INPP4B: variants seen among roughly 807,000 people sequenced by gnomAD.
INPP4B encodes inositol polyphosphate-4-phosphatase type II B.
INPP4B carries 55 observed loss-of-function variants against 122.5 expected under a neutral mutation model. The ratio of observed to expected loss-of-function variants is 0.45; its 90% confidence interval spans 0.36 to 0.56. The LOEUF is 0.56. INPP4B is among the 20% of genes least tolerant of loss of function. The probability of loss-of-function intolerance (pLI) is 0.00; values close to 1 mark genes in which losing one functional copy is unlikely to be tolerated. For missense variants in INPP4B, 1,000 were observed against 1,097.7 expected, an observed-to-expected ratio of 0.91 and a Z score of 1.26; for synonymous variants, 403 against 388.7, an observed-to-expected ratio of 1.04 and a Z score of -0.43.
intron 2 of INPP4B, among the ~76,000 whole-genome samples, chr4:142,534,371 C>T (rs1269093047): frequency 1.3e-5 from 2 of 152,086 alleles, no homozygotes; most frequent in Non-Finnish European, 2.9e-5. Context: ...CATGAAGGTG[C>T]TGCCCTTGTG....
intron 5 of INPP4B, among the ~76,000 whole-genome samples, chr4:142,410,048 A>G (rs1008357339): frequency 6.6e-6 from 1 of 152,236 alleles, no homozygotes; most frequent in Non-Finnish European, 1.5e-5. Context: ...GGTGAAGGCT[A>G]TTGAGTCCAT....
At chr4:142,307,290 C>G (rs1579683749) in intron 8 of INPP4B, among the ~76,000 whole-genome samples, 1 of 152,106 alleles carries the variant, frequency 6.6e-6, no homozygotes, top group Non-Finnish European at 1.5e-5. Context: ...AAGCACACTC[C>G]CCTCCCACAT....
intron 5 of INPP4B, among the ~76,000 whole-genome samples, chr4:142,416,258 G>A (rs2149277482): frequency 6.6e-6 from 1 of 152,238 alleles, no homozygotes; most frequent in Admixed American, 6.5e-5. Flanking sequence ...GAGGGAATTT[G>A]TTTGGGCAGG....
intron 2 of INPP4B, among the ~76,000 whole-genome samples, chr4:142,551,249 A>C (rs1043189574): frequency 1.3e-5 from 2 of 152,174 alleles, no homozygotes; most frequent in Non-Finnish European, 2.9e-5. Flanking sequence ...AGTTGACTCC[A>C]TTTTTGGTTA....
intron 1 of INPP4B, among the ~76,000 whole-genome samples, chr4:142,829,483 T>A (rs1441267437): frequency 1.3e-5 from 2 of 152,170 alleles, no homozygotes; most frequent in Admixed American, 1.3e-4. Context: ...CCCTTCTTCT[T>A]AATTCCAGTG....
chr4:142,227,994 T>G (rs998863316), intron 12 of INPP4B, among the ~76,000 whole-genome samples: 9 of 151,760 alleles, frequency 5.9e-5, no homozygotes, highest in African/African-American at 2.2e-4. Flanking sequence ...AAAAGAAAAT[T>G]TTCTGAATAA....
At chr4:142,112,764 A>G in intron 21 of INPP4B, 82 bp from the exon 22 acceptor site, 3 of 1,383,356 alleles carry the variant, frequency 2.2e-6, no homozygotes, top group Non-Finnish European at 3.0e-6. Flanking sequence ...AAAACATTAA[A>G]AGGGTTGGAA....
intron 2 of INPP4B, among the ~76,000 whole-genome samples, chr4:142,626,213 C>T (rs1253068278): frequency 6.6e-6 from 1 of 151,912 alleles, no homozygotes; most frequent in Non-Finnish European, 1.5e-5. Context: ...AAAATTCACT[C>T]CTTTTGAACA....
intron 16 of INPP4B, among the ~76,000 whole-genome samples, chr4:142,172,156 TAA>T: frequency 6.6e-6 from 1 of 151,936 alleles, no homozygotes; most frequent in Non-Finnish European, 1.5e-5. Context: ...CAAACATTTT[TAA>T]AAAAAAACTT....
chr4:142,137,973 A>T (rs1322652139), intron 18 of INPP4B, among the ~76,000 whole-genome samples: 1 of 152,038 alleles, frequency 6.6e-6, no homozygotes, highest in Non-Finnish European at 1.5e-5. Flanking sequence ...TGGAAGTCAG[A>T]GTGGCGATTC....
At position 142,363,573 on chromosome 4, in the gene INPP4B, T is replaced by C. The variant is rs529713947; in HGVS notation, c.372+39365A>G. 2.1e-4 allele frequency among the ~76,000 whole-genome samples: 32 copies of C among 152,044 alleles called. No homozygotes were observed. The South Asian group carries it at 6.6e-3, about 32-fold the overall frequency. On this transcript the variant is annotated intron_variant, in intron 7 of 25. Transcript: ENST00000262992. ...TGCACATTTTTTAGATATGGAAGTA[T>C]TTGTAAAGAGATAATGTCACTTGTC...
chr4:142,653,898 C>G (rs948849432), intron 2 of INPP4B, among the ~76,000 whole-genome samples: 1 of 152,116 alleles, frequency 6.6e-6, no homozygotes, highest in Admixed American at 6.5e-5. Context: ...ATAAATCATG[C>G]TACTATAAAG....
intron 2 of INPP4B, among the ~76,000 whole-genome samples, chr4:142,622,693 T>C (rs1051974204): frequency 2.0e-5 from 3 of 151,928 alleles, no homozygotes; most frequent in African/African-American, 4.8e-5. Flanking sequence ...ACTTGGTTGA[T>C]TGGCACAACC....
chr4:142,067,710 C>A (rs1209078852), intron 25 of INPP4B, among the ~76,000 whole-genome samples: 1 of 151,884 alleles, frequency 6.6e-6, no homozygotes, highest in African/African-American at 2.4e-5. Flanking sequence ...CCAATTTGAT[C>A]AAGTGGAAGA....
intron 7 of INPP4B, among the ~76,000 whole-genome samples, chr4:142,397,260 G>A (rs1428432130): frequency 6.6e-6 from 1 of 152,158 alleles, no homozygotes; most frequent in Non-Finnish European, 1.5e-5. Flanking sequence ...GGCAGAGGCT[G>A]AATGAATGAG....
chr4:142,100,284 T>A (rs899060250), intron 23 of INPP4B, among the ~76,000 whole-genome samples: 8 of 152,052 alleles, frequency 5.3e-5, no homozygotes, highest in African/African-American at 1.7e-4. Context: ...CCTTTCTGTT[T>A]CTTAAGGGCC....
intron 7 of INPP4B, among the ~76,000 whole-genome samples, chr4:142,323,771 G>A (rs758162414): frequency 7.3e-5 from 11 of 150,688 alleles, no homozygotes; most frequent in Non-Finnish European, 1.6e-4. Context: ...TTAATGTCAA[G>A]CCACTGTAAA....
intron 7 of INPP4B, among the ~76,000 whole-genome samples, chr4:142,398,844 T>C (rs1562012849): frequency 6.6e-6 from 1 of 152,066 alleles, no homozygotes; most frequent in Non-Finnish European, 1.5e-5. Flanking sequence ...GACTACATCC[T>C]TCCCTGAGAA....
intron 5 of INPP4B, among the ~76,000 whole-genome samples, chr4:142,413,167 G>A (rs1178549046): frequency 2.0e-5 from 3 of 152,020 alleles, no homozygotes; most frequent in South Asian, 2.1e-4. Flanking sequence ...AAAATGTGTG[G>A]GTTTTTTTAG....
Sources: gnomAD v4.1 joint callset for allele counts (sites outside exome capture counted in the v4.1 genomes callset) on GRCh38, gnomAD v4.1.1 for gene constraint, MANE v1.5 for transcripts, NCBI Gene and HGNC (gene_info 2026-07-23, HGNC 2026-07-21) for gene names.